EIF5A2: variants seen among roughly 807,000 people sequenced by gnomAD.
The protein encoded by EIF5A2 is eukaryotic translation initiation factor 5A2, also known as eukaryotic translation initiation factor 5A-2.
In EIF5A2, 15 loss-of-function variants were observed where a neutral mutation model predicts 16.4. That is an observed-to-expected ratio of 0.92 (90% CI 0.61 to 1.41). The LOEUF is 1.41. EIF5A2 is among the 40% of genes most tolerant of loss of function. EIF5A2 has a pLI of 0.00. For synonymous variants in EIF5A2, 48 were observed against 61.1 expected (o/e 0.79, Z 1.00); for missense variants, 144 against 189.5 (o/e 0.76, Z 1.41).
intron 3 of EIF5A2, among the ~76,000 whole-genome samples, chr3:170,895,746 G>C (rs1363379455): frequency 2.0e-5 from 3 of 152,188 alleles, no homozygotes; most frequent in Non-Finnish European, 4.4e-5. Flanking sequence ...CTACAACAAA[G>C]ACTTTTAACT....
chr3:170,907,432 A>G (rs1010027921), intron 2 of EIF5A2, among the ~76,000 whole-genome samples: 1 of 152,198 alleles, frequency 6.6e-6, no homozygotes, highest in Admixed American at 6.5e-5. Flanking sequence ...GGAAAGTTTC[A>G]GTTCCCAGTT....
At chr3:170,905,631 C>G (rs998840698) in intron 3 of EIF5A2, among the ~76,000 whole-genome samples, 3 of 152,164 alleles carry the variant, frequency 2.0e-5, no homozygotes, top group African/African-American at 7.2e-5. Flanking sequence ...CGAGCACCTA[C>G]TATGTACCAC....
intron 3 of EIF5A2, among the ~76,000 whole-genome samples, chr3:170,904,994 C>T (rs1250259401): frequency 6.6e-6 from 1 of 152,164 alleles, no homozygotes; most frequent in Admixed American, 6.5e-5. Context: ...TTAAATCATC[C>T]TCTTATCCAC....
At position 170,900,917 on chromosome 3, in the gene EIF5A2, A is replaced by G. The variant is rs116734331; in HGVS notation, c.270+6072T>C. 6.0e-3 allele frequency among the ~76,000 whole-genome samples: 917 copies of G among 152,352 alleles called. 14 individuals are homozygous for G. Among genetic ancestry groups the G allele is most frequent in the African/African-American group, 0.021 (892 of 41,582 alleles). ...TTTTTCTCCTCCAATTAATATGTTG[A>G]GGCAGTATTCACATATCTGATAATA... is the stretch of plus-strand genomic sequence containing the variant. On this transcript the variant is annotated intron_variant, in intron 3 of 4. Transcript: ENST00000295822.
rs1712520364 is a variant in EIF5A2 at position 170,891,004 on chromosome 3, ATATT to A, written c.*2352_*2355del. 6.6e-6 allele frequency: 1 copy of A among 152,610 alleles called. No individual in the cohort carries two copies. The highest frequency in any genetic ancestry group is 2.1e-4 in the South Asian group (1 of 4,830). 9.5% of individuals were successfully genotyped at this position (152,610 alleles called of 1,614,324 possible). On this transcript the variant is annotated 3_prime_UTR_variant, in exon 5 of 5. Transcript: ENST00000295822. ...ACTTCATATATTACTTAAAATGAAA[ATATT>A]TATGCATAAATAGCGTTTGCCATTC...
At chr3:170,895,025 CAA>C (rs748111786) in intron 3 of EIF5A2, among the ~76,000 whole-genome samples, 3 of 60,778 alleles carry the variant, frequency 4.9e-5, no homozygotes, top group African/African-American at 1.2e-4. Context: ...GACTCTGTCT[CAA>C]AAAAAAAAAA....
intron 3 of EIF5A2, among the ~76,000 whole-genome samples, chr3:170,904,071 A>G (rs1470422305): frequency 6.6e-6 from 1 of 152,214 alleles, no homozygotes; most frequent in East Asian, 1.9e-4. Context: ...CTGAATAAGC[A>G]TTTCTGTATG....
chr3:170,896,770 G>A (rs2108293224), intron 3 of EIF5A2, among the ~76,000 whole-genome samples: 1 of 152,330 alleles, frequency 6.6e-6, no homozygotes, highest in South Asian at 2.1e-4. Context: ...TGAAAATAAG[G>A]AAACAACTTT....
chr3:170,907,609 C>T lies in EIF5A2; in HGVS notation c.165+33G>A, dbSNP rs762435186. Reference sequence around the variant, plus strand: ...ATACAAATGATCAAAGTCCCAACGCCGAAGCCAAAGCCTGATCTGCAAGGG... The same window carrying T: ...ATACAAATGATCAAAGTCCCAACGCTGAAGCCAAAGCCTGATCTGCAAGGG... On this transcript the variant is annotated intron_variant, in intron 2 of 4. Transcript: ENST00000295822. The T allele has an allele frequency of 7.1e-6, 11 of 1,538,788 alleles. No homozygotes were observed. In the South Asian group the frequency reaches 8.5e-5, roughly 12 times the overall value.
chr3:170,893,012 A>C lies in EIF5A2; in HGVS notation c.*348T>G. 1 of 421,220 alleles carries C rather than the reference A, an allele frequency of 2.4e-6. No homozygotes were observed. The highest frequency in any genetic ancestry group is 4.2e-6 in the Non-Finnish European group (1 of 240,572). The allele number at this position is 421,220 out of a possible 1,614,324, so 26.1% of individuals were successfully genotyped here. A position where few individuals can be genotyped will look rare whatever the true frequency, so the allele number is the denominator to read the frequency against. ...TGGTACTTCAATACCACTTTATGCT[A>C]CATTGTTTGATTTAAAACCCTGGTT... On this transcript the variant is annotated 3_prime_UTR_variant, in exon 5 of 5. Coordinates refer to ENST00000295822, the MANE Select transcript of EIF5A2 (RefSeq NM_020390.6).
At chr3:170,901,386 CAT>C (rs1296345210) in intron 3 of EIF5A2, among the ~76,000 whole-genome samples, 3 of 152,094 alleles carry the variant, frequency 2.0e-5, no homozygotes, top group Non-Finnish European at 4.4e-5. Context: ...GGAAGCAAAA[CAT>C]GATCTAAAAG....
At chr3:170,904,151 T>C (rs1712877126) in intron 3 of EIF5A2, among the ~76,000 whole-genome samples, 1 of 152,250 alleles carries the variant, frequency 6.6e-6, no homozygotes, top group African/African-American at 2.4e-5. Flanking sequence ...CCCGGACATC[T>C]ATAACTACTT....
chr3:170,892,745 G>A lies in EIF5A2; in HGVS notation c.*615C>T, dbSNP rs1053827076. 1.8e-5 allele frequency: 7 copies of A among 398,376 alleles called. No individual in the cohort carries two copies. The highest frequency in any genetic ancestry group is 3.1e-5 in the Non-Finnish European group (7 of 226,038). 24.7% of individuals were successfully genotyped at this position (398,376 alleles called of 1,614,324 possible). A position where few individuals can be genotyped will look rare whatever the true frequency, so the allele number is the denominator to read the frequency against. ...TTCAGTGCCCTTCTGCCAACCATAA[G>A]AAGGGACTAAAACCACCATATAAGG... On this transcript the variant is annotated 3_prime_UTR_variant, in exon 5 of 5. Coordinates refer to ENST00000295822, the MANE Select transcript of EIF5A2 (RefSeq NM_020390.6).
intron 3 of EIF5A2, among the ~76,000 whole-genome samples, chr3:170,904,505 T>G (rs1404871530): frequency 1.3e-5 from 2 of 152,130 alleles, no homozygotes; most frequent in African/African-American, 4.8e-5. Flanking sequence ...ACAGAACTTT[T>G]GTTTTTGAGA....
In EIF5A2 at chr3:170,890,641, C is replaced by T. The variant is rs1354902449; in HGVS notation, c.*2719G>A. ...GTTCTAAAAAGAAACAAATATTCAACCTGTTAATAAATTGGTGAAATGTAT... is the reference window on the plus strand; with the variant it reads ...GTTCTAAAAAGAAACAAATATTCAATCTGTTAATAAATTGGTGAAATGTAT... On this transcript the variant is annotated 3_prime_UTR_variant, in exon 5 of 5. Coordinates refer to ENST00000295822, the MANE Select transcript of EIF5A2 (RefSeq NM_020390.6). The T allele has an allele frequency of 6.6e-6, 1 of 152,508 alleles. No homozygotes were observed. The highest frequency in any genetic ancestry group is 1.5e-5 in the Non-Finnish European group (1 of 67,984). The allele number at this position is 152,508 out of a possible 1,614,324, so 9.4% of individuals were successfully genotyped here. A position where few individuals can be genotyped will look rare whatever the true frequency, so the allele number is the denominator to read the frequency against.
intron 3 of EIF5A2, among the ~76,000 whole-genome samples, chr3:170,903,614 A>G (rs939538247): frequency 1.6e-4 from 25 of 152,274 alleles, no homozygotes; most frequent in Non-Finnish European, 2.5e-4. Flanking sequence ...TTCTATTTCC[A>G]AAGAAAGACT....
chr3:170,898,845 AT>A (rs1171274402), intron 3 of EIF5A2, among the ~76,000 whole-genome samples: 1 of 151,740 alleles, frequency 6.6e-6, no homozygotes, highest in African/African-American at 2.4e-5. Context: ...ATATATATAT[AT>A]ATCATATATA....
At chr3:170,908,019 G>A (rs1159559262) in intron 1 of EIF5A2, among the ~76,000 whole-genome samples, 178 bp from the exon 2 acceptor site, 1 of 152,212 alleles carries the variant, frequency 6.6e-6, no homozygotes, top group Non-Finnish European at 1.5e-5. Flanking sequence ...TCCAGCTACT[G>A]CTTGGGGAGG....
chr3:170,907,033 TAGA>T lies in EIF5A2; in HGVS notation c.223_225del (p.Ser75del), dbSNP rs775097428. 16 of 1,612,634 alleles carry T rather than the reference TAGA, an allele frequency of 9.9e-6. No individual in the cohort carries two copies. The highest frequency in any genetic ancestry group is 1.3e-5 in the African/African-American group (1 of 74,884). ...ATATTTGGAACATCCATGTTGTGAGTAGAAGGACAAATATCTTCATATTTTTTG... is the reference window on the plus strand; with the variant it reads ...ATATTTGGAACATCCATGTTGTGAGTAGGACAAATATCTTCATATTTTTTG... On this transcript the variant is annotated inframe_deletion, in exon 3 of 5. Transcript: ENST00000295822.
Sources: allele counts gnomAD v4.1 joint callset (sites outside exome capture counted in the v4.1 genomes callset), GRCh38; gene constraint gnomAD v4.1.1; transcripts MANE v1.5; gene names NCBI Gene and HGNC (gene_info 2026-07-23, HGNC 2026-07-21).